Variants in BMPR2 observed in about 807,000 individuals in gnomAD.
The protein encoded by BMPR2 is bone morphogenetic protein receptor type 2.
In BMPR2, 29 loss-of-function variants were observed where a neutral mutation model predicts 100.8. That is an observed-to-expected ratio of 0.29 (90% CI 0.21 to 0.39). The LOEUF (loss-of-function observed/expected upper bound fraction) is 0.39. Among genes scored for constraint, BMPR2 ranks in the 10% least tolerant of loss-of-function variants. The probability of loss-of-function intolerance (pLI) is 1.00; values close to 1 mark genes in which losing one functional copy is unlikely to be tolerated. For synonymous variants in BMPR2, 382 were observed against 442.3 expected (o/e 0.86, Z 1.71); for missense variants, 1,011 against 1,274.5 (o/e 0.79, Z 3.15).
intron 10 of BMPR2, among the ~76,000 whole-genome samples, chr2:202,545,236 C>G (rs1034969776): frequency 9.1e-4 from 1 of 1,104 alleles, no homozygotes; most frequent in African/African-American, 3.2e-3. Flanking sequence ...CACCTGGCCT[C>G]CCTTACTACA....
At chr2:202,394,699 C>T (rs964214652) in intron 1 of BMPR2, among the ~76,000 whole-genome samples, 5 of 151,964 alleles carry the variant, frequency 3.3e-5, no homozygotes, top group Non-Finnish European at 7.4e-5. Flanking sequence ...AGGTATTATA[C>T]TACGTGCTTT....
intron 3 of BMPR2, among the ~76,000 whole-genome samples, chr2:202,489,720 C>T (rs1692859033): frequency 1.3e-5 from 2 of 152,152 alleles, no homozygotes; most frequent in African/African-American, 4.8e-5. Context: ...GCATTACTTA[C>T]AGACTCCTTT....
Position 202,556,469 on chromosome 2 carries a change from C to A in BMPR2, c.2804C>A (p.Ala935Glu). ...ADPGPSKPRR[A>E]QRPNSLDLSA... ...CCTGGGCCATCAAAGCCCAGAAGAG[C>A]ACAGAGGCCTAATTCTCTGGATCTT... The change falls in exon 12 of 13, where the codon GCA (alanine) becomes GAA (glutamate). Residue 935 changes from alanine (A) to glutamate (E), a missense_variant. Transcript: ENST00000374580. The A allele has an allele frequency of 6.2e-7, 1 of 1,614,180 alleles. No individual in the cohort carries two copies.
At chr2:202,535,912 G>A (rs990034860) in intron 9 of BMPR2, among the ~76,000 whole-genome samples, 11 of 152,198 alleles carry the variant, frequency 7.2e-5, no homozygotes, top group Admixed American at 6.5e-4. Flanking sequence ...GCGAAACCCC[G>A]TCTCCACCAA....
At chr2:202,545,265 G>C (rs1246038745) in intron 10 of BMPR2, among the ~76,000 whole-genome samples, 1 of 7,080 alleles carries the variant, frequency 1.4e-4, no homozygotes, top group Non-Finnish European at 3.0e-4. Context: ...GATTTACTCA[G>C]CTTTATCTTC....
intron 7 of BMPR2, among the ~76,000 whole-genome samples, chr2:202,527,032 T>G (rs1687927176): frequency 1.3e-5 from 2 of 152,068 alleles, no homozygotes; most frequent in Admixed American, 1.3e-4. Flanking sequence ...CTGGGCTAAT[T>G]TTTTGTATTT....
chr2:202,555,248 T>C lies in BMPR2; in HGVS notation c.1587-4T>C. The C allele has an allele frequency of 6.2e-7, 1 of 1,613,454 alleles. No individual in the cohort carries two copies. The highest frequency in any genetic ancestry group is 8.5e-7 in the Non-Finnish European group (1 of 1,179,462). ...CAATGTGATACTTTTTTTCTTTCTTTAAGCAACCTGTCACATAATAGGCGT... is the reference window on the plus strand; with the variant it reads ...CAATGTGATACTTTTTTTCTTTCTTCAAGCAACCTGTCACATAATAGGCGT... On this transcript the variant is annotated splice_region_variant and splice_polypyrimidine_tract_variant and intron_variant, in intron 11 of 12. Transcript: ENST00000374580.
intron 3 of BMPR2, chr2:202,504,869 C>T (rs12987311): frequency 0.12 from 18,061 of 152,038 alleles, 1,187 homozygotes; most frequent in Admixed American, 0.14. Context: ...TTAGTAGAGA[C>T]GGAGTTTCAC....
intron 3 of BMPR2, among the ~76,000 whole-genome samples, chr2:202,475,952 T>A (rs1167086297): frequency 6.6e-6 from 1 of 152,000 alleles, no homozygotes. Flanking sequence ...CACATGCCTG[T>A]AATCTCAGCC....
chr2:202,527,536 A>C (rs1687939051), intron 7 of BMPR2, among the ~76,000 whole-genome samples: 1 of 151,612 alleles, frequency 6.6e-6, no homozygotes, highest in Non-Finnish European at 1.5e-5. Context: ...CTGTAATCCC[A>C]GCACTTTGGG....
At chr2:202,479,783 T>C (rs914674988) in intron 3 of BMPR2, among the ~76,000 whole-genome samples, 7 of 152,140 alleles carry the variant, frequency 4.6e-5, no homozygotes, top group Non-Finnish European at 8.8e-5. Flanking sequence ...CCAGTTTCTT[T>C]TTGGTTATAG....
intron 5 of BMPR2, among the ~76,000 whole-genome samples, chr2:202,517,481 A>G (rs1687734100): frequency 6.6e-6 from 1 of 151,970 alleles, no homozygotes; most frequent in Admixed American, 6.6e-5. Context: ...AAGTCTCCAC[A>G]AAAGTGACTA....
At chr2:202,416,419 C>A (rs937578473) in intron 1 of BMPR2, among the ~76,000 whole-genome samples, 1 of 148,082 alleles carries the variant, frequency 6.8e-6, no homozygotes, top group Non-Finnish European at 1.5e-5. Context: ...CACTACCACA[C>A]CTGGATAATT....
intron 8 of BMPR2, 94 bp downstream of exon 8, chr2:202,531,048 A>G: frequency 6.8e-7 from 1 of 1,478,664 alleles, no homozygotes; most frequent in Non-Finnish European, 9.3e-7. Flanking sequence ...CACGCCTGTA[A>G]TCCCAGCACT....
At chr2:202,405,349 T>G (rs895809162) in intron 1 of BMPR2, among the ~76,000 whole-genome samples, 1 of 151,998 alleles carries the variant, frequency 6.6e-6, no homozygotes, top group African/African-American at 2.4e-5. Context: ...CTATATAATT[T>G]GCAAGTCCCA....
In BMPR2 at chr2:202,561,453, G is replaced by T. The variant is rs1248475156; in HGVS notation, c.*1507G>T. The T allele has an allele frequency of 6.6e-6, 1 of 151,168 alleles. No individual in the cohort carries two copies. The highest frequency in any genetic ancestry group is 1.5e-5 in the Non-Finnish European group (1 of 67,742). 9.4% of individuals were successfully genotyped at this position (151,168 alleles called of 1,614,324 possible). A position where few individuals can be genotyped will look rare whatever the true frequency, so the allele number is the denominator to read the frequency against. ...ATCTCCTCTAAAACAACCTCTGCAT[G>T]TTTTTTTTAAATAAAGCACTTTCTG... On this transcript the variant is annotated 3_prime_UTR_variant, in exon 13 of 13. Transcript: ENST00000374580.
At chr2:202,432,568 G>T (rs915149587) in intron 1 of BMPR2, among the ~76,000 whole-genome samples, 1 of 150,278 alleles carries the variant, frequency 6.7e-6, no homozygotes, top group African/African-American at 2.5e-5. Flanking sequence ...GTATTACTAA[G>T]GTTAAAAAAA....
intron 1 of BMPR2, among the ~76,000 whole-genome samples, chr2:202,403,055 G>A (rs1057319004): frequency 6.6e-5 from 10 of 150,986 alleles, no homozygotes; most frequent in African/African-American, 2.2e-4. Flanking sequence ...CTCAAACTCC[G>A]GACCTCAGGT....
In BMPR2 at chr2:202,466,898, A is replaced by G. The variant is rs934892720; in HGVS notation, c.248-621A>G. On this transcript the variant is annotated intron_variant, in intron 2 of 12. Coordinates refer to ENST00000374580, the MANE Select transcript of BMPR2 (RefSeq NM_001204.7). ...TAGGCGTGAGCCACCGTGCCCAGCC[A>G]TATTATTTTTTAAACCTAAAACAAT... 3.3e-5 allele frequency among the ~76,000 whole-genome samples: 5 copies of G among 152,340 alleles called. 1 individual carries two copies. Among genetic ancestry groups the G allele is most frequent in the South Asian group, 4.1e-4 (2 of 4,832 alleles).
Sources: gnomAD v4.1 joint callset for allele counts (sites outside exome capture counted in the v4.1 genomes callset) on GRCh38, gnomAD v4.1.1 for gene constraint, MANE v1.5 for transcripts, NCBI Gene and HGNC (gene_info 2026-07-23, HGNC 2026-07-21) for gene names.